Variants in EFR3A observed in about 807,000 individuals in gnomAD.
The protein encoded by EFR3A is EFR3 homolog A.
In EFR3A, 76 loss-of-function variants were observed where a neutral mutation model predicts 104.4. The observed-to-expected ratio is 0.73, with a 90% confidence interval of 0.60 to 0.88. The LOEUF (loss-of-function observed/expected upper bound fraction) is 0.88. Ranked by LOEUF, EFR3A falls within the 40% of genes least tolerant of loss-of-function variation. The pLI is 0.00. For missense variants in EFR3A, 985 were observed against 1,012.5 expected (o/e 0.97, Z 0.37); for synonymous variants, 330 against 330.0 (o/e 1.00, Z 0.00).
intron 10 of EFR3A, among the ~76,000 whole-genome samples, chr8:131,975,274 G>A (rs1421599812): frequency 2.0e-5 from 3 of 152,112 alleles, no homozygotes; most frequent in Non-Finnish European, 4.4e-5. Context: ...TGGAAAACCA[G>A]AGTAGTGACT....
At position 131,970,526 on chromosome 8, in the gene EFR3A, A is replaced by G; in HGVS notation, c.1042A>G (p.Ser348Gly). Reference sequence around the variant, plus strand: ...TACCCTTTTGAAACATCTGCGTCTCAGCGTTGAATTCGAAGCAAATGATTT... The same window carrying G: ...TACCCTTTTGAAACATCTGCGTCTCGGCGTTGAATTCGAAGCAAATGATTT... ...FNTLLKHLRLSVEFEANDLQG... is the reference protein window; with the variant it reads ...FNTLLKHLRLGVEFEANDLQG... The change falls in exon 10 of 23, where the codon AGC (serine) becomes GGC (glycine). Residue 348 changes from serine (S) to glycine (G), a missense_variant. Coordinates refer to ENST00000254624, the MANE Select transcript of EFR3A (RefSeq NM_015137.6). 1 of 1,613,934 alleles carries G rather than the reference A, an allele frequency of 6.2e-7. No homozygotes were observed. Among genetic ancestry groups the G allele is most frequent in the South Asian group, 1.1e-5 (1 of 91,076 alleles).
chr8:131,970,365 T>C lies in EFR3A; in HGVS notation c.992-111T>C, dbSNP rs1369969010. ...GAAATAGTTTATAAATTACTATGGA[T>C]TTCTGACTATTTAGAAAATTACAGA... On this transcript the variant is annotated intron_variant, in intron 9 of 22. Coordinates refer to ENST00000254624, the MANE Select transcript of EFR3A (RefSeq NM_015137.6). 7.0e-6 allele frequency: 7 copies of C among 1,006,550 alleles called. No homozygotes were observed. In the Admixed American group the frequency reaches 2.1e-4, roughly 30 times the overall value. The allele number at this position is 1,006,550 out of a possible 1,614,324, so 62.4% of individuals were successfully genotyped here. A position where few individuals can be genotyped will look rare whatever the true frequency, so the allele number is the denominator to read the frequency against.
chr8:131,950,573 C>T (rs939841805), intron 5 of EFR3A, among the ~76,000 whole-genome samples: 1 of 152,124 alleles, frequency 6.6e-6, no homozygotes, highest in South Asian at 2.1e-4. Context: ...TCACCTCTCT[C>T]ATTCTACCCC....
chr8:131,911,775 T>C (rs1033324484), intron 1 of EFR3A, among the ~76,000 whole-genome samples: 1 of 152,236 alleles, frequency 6.6e-6, no homozygotes, highest in Non-Finnish European at 1.5e-5. Flanking sequence ...GTTAATAGAC[T>C]GAGTGGGGAA....
intron 10 of EFR3A, among the ~76,000 whole-genome samples, chr8:131,973,140 G>A (rs1347082112): frequency 2.0e-5 from 3 of 150,302 alleles, no homozygotes; most frequent in Non-Finnish European, 4.4e-5. Context: ...CACAAAGTAG[G>A]CACTTAAGAT....
At chr8:131,947,044 T>C (rs887668920) in intron 4 of EFR3A, among the ~76,000 whole-genome samples, 1 of 152,076 alleles carries the variant, frequency 6.6e-6, no homozygotes, top group African/African-American at 2.4e-5. Flanking sequence ...TTTTTCATTC[T>C]CTTGGGTATA....
intron 1 of EFR3A, among the ~76,000 whole-genome samples, chr8:131,930,991 A>T (rs1014949602): frequency 2.6e-5 from 4 of 152,178 alleles, no homozygotes; most frequent in Non-Finnish European, 4.4e-5. Flanking sequence ...CATATGCTAA[A>T]TTCTCTACAT....
At chr8:131,932,368 T>G (rs1270481553) in intron 1 of EFR3A, among the ~76,000 whole-genome samples, 1 of 152,136 alleles carries the variant, frequency 6.6e-6, no homozygotes, top group Non-Finnish European at 1.5e-5. Context: ...GTTCAAGCAT[T>G]GATATAACAA....
At chr8:132,000,604 A>G (rs1172262383) in intron 19 of EFR3A, among the ~76,000 whole-genome samples, 1 of 152,198 alleles carries the variant, frequency 6.6e-6, no homozygotes, top group Non-Finnish European at 1.5e-5. Context: ...AACTTCTCCC[A>G]TGTTCTTTTT....
intron 19 of EFR3A, among the ~76,000 whole-genome samples, chr8:131,998,370 T>C: frequency 6.6e-6 from 1 of 152,070 alleles, no homozygotes; most frequent in East Asian, 1.9e-4. Flanking sequence ...TTTATAGTTT[T>C]ATATGTATAA....
intron 22 of EFR3A, among the ~76,000 whole-genome samples, chr8:132,005,034 AT>A (rs1821963841): frequency 6.6e-6 from 1 of 152,226 alleles, no homozygotes; most frequent in South Asian, 2.1e-4. Context: ...AATAATTAAC[AT>A]TTTTAAACAC....
chr8:131,907,259 G>T (rs1816300849), intron 1 of EFR3A, among the ~76,000 whole-genome samples: 1 of 152,192 alleles, frequency 6.6e-6, no homozygotes, highest in Non-Finnish European at 1.5e-5. Flanking sequence ...GGATATCACT[G>T]GTGTGCTAAG....
intron 9 of EFR3A, 106 bp from the exon 10 acceptor site, chr8:131,970,370 G>A: frequency 9.6e-7 from 1 of 1,045,874 alleles, no homozygotes; most frequent in Admixed American, 3.0e-5. Context: ...ATGGATTTCT[G>A]ACTATTTAGA....
chr8:131,966,990 A>T (rs976144360), intron 8 of EFR3A, among the ~76,000 whole-genome samples: 1 of 152,146 alleles, frequency 6.6e-6, no homozygotes, highest in Non-Finnish European at 1.5e-5. Flanking sequence ...CGTACTTTAT[A>T]ATTATTGATA....
chr8:131,940,236 T>G (rs1586571495), intron 1 of EFR3A: 1 of 421,130 alleles, frequency 2.4e-6, no homozygotes, highest in East Asian at 4.2e-5. Flanking sequence ...GGGGCACGGA[T>G]GATGTTTTCA....
chr8:131,905,460 C>G (rs550990441), intron 1 of EFR3A, among the ~76,000 whole-genome samples: 1 of 151,946 alleles, frequency 6.6e-6, no homozygotes, highest in Non-Finnish European at 1.5e-5. Context: ...ATTTAAATAT[C>G]TTTTTGAGAT....
At chr8:131,981,178 A>T (rs1820593799) in intron 14 of EFR3A, among the ~76,000 whole-genome samples, 1 of 151,912 alleles carries the variant, frequency 6.6e-6, no homozygotes, top group Non-Finnish European at 1.5e-5. Context: ...TGAGTTTTTG[A>T]CTTTATGCAA....
intron 6 of EFR3A, among the ~76,000 whole-genome samples, chr8:131,955,146 G>A (rs940327730): frequency 1.3e-5 from 2 of 152,002 alleles, no homozygotes; most frequent in African/African-American, 4.8e-5. Context: ...TCCAGGATTA[G>A]CATAAGTAAT....
chr8:131,915,501 T>C (rs1237894396), intron 1 of EFR3A, among the ~76,000 whole-genome samples: 1 of 152,202 alleles, frequency 6.6e-6, no homozygotes, highest in Non-Finnish European at 1.5e-5. Flanking sequence ...CAGAGGTGAA[T>C]AAAGCAGTCC....
Sources: allele counts gnomAD v4.1 joint callset (sites outside exome capture counted in the v4.1 genomes callset), GRCh38; gene constraint gnomAD v4.1.1; transcripts MANE v1.5; gene names NCBI Gene and HGNC (gene_info 2026-07-23, HGNC 2026-07-21).